RBFOX1: variants seen among roughly 807,000 people sequenced by gnomAD.
The protein encoded by RBFOX1 is RNA binding protein fox-1 homolog 1.
Under a neutral mutation model 57.7 loss-of-function variants are expected in RBFOX1, and 8 were observed. The observed-to-expected ratio is 0.14, with a 90% confidence interval of 0.08 to 0.25. The LOEUF (loss-of-function observed/expected upper bound fraction) is 0.25. RBFOX1 is among the 10% of genes least tolerant of loss of function. The pLI, the probability that RBFOX1 is intolerant of heterozygous loss-of-function variation, is 1.00. For synonymous variants in RBFOX1, 326 were observed against 222.4 expected, an observed-to-expected ratio of 1.47 and a Z score of -4.15; for missense variants, 611 against 548.5, an observed-to-expected ratio of 1.11 and a Z score of -1.14.
chr16:6,855,125 G>C (rs1238248611), intron 3 of RBFOX1, among the ~76,000 whole-genome samples: 2 of 152,040 alleles, frequency 1.3e-5, no homozygotes, highest in African/African-American at 2.4e-5. Flanking sequence ...ACAGATTCCA[G>C]CACTATACTG....
At chr16:5,816,314 C>T (rs2055635187) in intron 3 of RBFOX1, among the ~76,000 whole-genome samples, 1 of 152,176 alleles carries the variant, frequency 6.6e-6, no homozygotes, top group Admixed American at 6.5e-5. Context: ...ACTGCCAGTA[C>T]CCGTCAATTA....
chr16:5,875,391 C>G (rs982439034), intron 4 of RBFOX1, among the ~76,000 whole-genome samples: 1 of 152,054 alleles, frequency 6.6e-6, no homozygotes, highest in African/African-American at 2.4e-5. Flanking sequence ...ATCTCCAGTC[C>G]CAGTGAGTGG....
intron 5 of RBFOX1, among the ~76,000 whole-genome samples, chr16:7,571,796 G>T (rs1248142540): frequency 6.6e-6 from 1 of 150,694 alleles, no homozygotes; most frequent in African/African-American, 2.4e-5. Flanking sequence ...TGTTTGATGG[G>T]GAGGCTGCGT....
intron 3 of RBFOX1, among the ~76,000 whole-genome samples, chr16:6,725,635 ATTCT>A (rs1289597526): frequency 6.6e-6 from 1 of 152,172 alleles, no homozygotes; most frequent in East Asian, 1.9e-4. Flanking sequence ...TGGAGTAGTC[ATTCT>A]TTATTCCTTT....
chr16:7,698,629 C>G (rs1406248557), intron 14 of RBFOX1, among the ~76,000 whole-genome samples: 3 of 152,164 alleles, frequency 2.0e-5, no homozygotes, highest in African/African-American at 4.8e-5. Flanking sequence ...TTCAGCAAGT[C>G]TCATCTAATT....
chr16:5,520,161 G>A (rs886719087), intron 2 of RBFOX1, among the ~76,000 whole-genome samples: 2 of 152,174 alleles, frequency 1.3e-5, no homozygotes, highest in African/African-American at 4.8e-5. Context: ...AGAGGAAGAG[G>A]CTATTGTGGC....
chr16:6,423,425 C>A (rs1011605480), intron 2 of RBFOX1, among the ~76,000 whole-genome samples: 15 of 151,976 alleles, frequency 9.9e-5, no homozygotes, highest in African/African-American at 2.7e-4. Context: ...ATGGTGAGAC[C>A]CCGTCTCTAC....
chr16:7,030,339 G>C (rs1017744761), intron 3 of RBFOX1, among the ~76,000 whole-genome samples: 2 of 152,150 alleles, frequency 1.3e-5, no homozygotes, highest in African/African-American at 4.8e-5. Context: ...TCATTTCCTA[G>C]CATTGCCATA....
At chr16:7,697,396 C>G (rs1471928348) in intron 14 of RBFOX1, among the ~76,000 whole-genome samples, 1 of 152,178 alleles carries the variant, frequency 6.6e-6, no homozygotes, top group Non-Finnish European at 1.5e-5. Context: ...CTGAGGAAAG[C>G]AAACCCTTTA....
intron 5 of RBFOX1, among the ~76,000 whole-genome samples, chr16:7,523,481 C>T (rs2077968671): frequency 6.6e-6 from 1 of 152,110 alleles, no homozygotes; most frequent in Non-Finnish European, 1.5e-5. Flanking sequence ...CAGAAATCTG[C>T]CTTAGATAAT....
intron 4 of RBFOX1, among the ~76,000 whole-genome samples, chr16:7,198,907 C>A (rs567419680): frequency 6.6e-6 from 1 of 152,174 alleles, no homozygotes; most frequent in East Asian, 1.9e-4. Flanking sequence ...GAGTTGGCTG[C>A]CTTGTTCACA....
intron 3 of RBFOX1, among the ~76,000 whole-genome samples, chr16:5,785,641 C>T (rs940503907): frequency 6.6e-6 from 1 of 152,228 alleles, no homozygotes; most frequent in East Asian, 1.9e-4. Context: ...GATTCTCCTG[C>T]CTCAGCCTCC....
chr16:7,600,138 C>T (rs1040644702), intron 9 of RBFOX1, among the ~76,000 whole-genome samples: 1 of 152,152 alleles, frequency 6.6e-6, no homozygotes, highest in Non-Finnish European at 1.5e-5. Context: ...GGTAGCCATG[C>T]ACTCAGTTTC....
chr16:6,451,749 G>T (rs1446252088), intron 2 of RBFOX1, among the ~76,000 whole-genome samples: 1 of 152,174 alleles, frequency 6.6e-6, no homozygotes, highest in Non-Finnish European at 1.5e-5. Context: ...AGCACATACA[G>T]TATTATGAGC....
intron 4 of RBFOX1, among the ~76,000 whole-genome samples, chr16:5,978,852 G>A (rs530632341): frequency 1.8e-4 from 27 of 152,234 alleles, no homozygotes; most frequent in African/African-American, 6.5e-4. Flanking sequence ...ATCATATAGC[G>A]AGAGCTACAC....
chr16:5,428,611 G>A (rs905261947), intron 1 of RBFOX1, among the ~76,000 whole-genome samples: 9 of 151,998 alleles, frequency 5.9e-5, no homozygotes, highest in Admixed American at 6.5e-5. Flanking sequence ...GACGTTAGCC[G>A]GGGAGATCTG....
intron 1 of RBFOX1, among the ~76,000 whole-genome samples, chr16:6,185,055 G>A: frequency 6.6e-6 from 1 of 152,186 alleles, no homozygotes; most frequent in Non-Finnish European, 1.5e-5. Flanking sequence ...AGACAGCTCT[G>A]TGCGTCTGTA....
chr16:6,407,567 G>GTTTGTGTGTGTC (rs67151505), intron 2 of RBFOX1, among the ~76,000 whole-genome samples: 8 of 144,970 alleles, frequency 5.5e-5, no homozygotes, highest in Non-Finnish European at 1.2e-4. Flanking sequence ...GTGTGTGTGT[G>GTTTGTGTGTGTC]ACAGAGAGAG....
chr16:6,943,370 C>T (rs1457607636), intron 3 of RBFOX1, among the ~76,000 whole-genome samples: 1 of 152,176 alleles, frequency 6.6e-6, no homozygotes, highest in Non-Finnish European at 1.5e-5. Context: ...GATGAGCTGT[C>T]AGCTAGCTTA....
Sources: gnomAD v4.1 joint callset for allele counts (sites outside exome capture counted in the v4.1 genomes callset) on GRCh38, gnomAD v4.1.1 for gene constraint, MANE v1.5 for transcripts, NCBI Gene and HGNC (gene_info 2026-07-23, HGNC 2026-07-21) for gene names.